TLE1: variants seen among roughly 807,000 people sequenced by gnomAD.
TLE1 encodes transducin-like enhancer protein 1.
In TLE1, 21 loss-of-function variants were observed where a neutral mutation model predicts 89.8. That is an observed-to-expected ratio of 0.23 (90% CI 0.17 to 0.34). The LOEUF (loss-of-function observed/expected upper bound fraction) is 0.34, where lower values mean the gene tolerates loss of function less well. Among genes scored for constraint, TLE1 ranks in the 10% least tolerant of loss-of-function variants. TLE1 has a pLI of 1.00. For synonymous variants in TLE1, 447 were observed against 407.6 expected, an observed-to-expected ratio of 1.10 and a Z score of -1.16; for missense variants, 795 against 1,031.2, an observed-to-expected ratio of 0.77 and a Z score of 3.14.
intron 4 of TLE1, among the ~76,000 whole-genome samples, chr9:81,683,222 A>ATT (rs58069135): frequency 4.2e-4 from 58 of 139,340 alleles, no homozygotes; most frequent in Admixed American, 6.5e-4. Flanking sequence ...CCATCACTGC[A>ATT]TTTTTTTTTT....
In TLE1 at chr9:81,689,249, G is replaced by C. The variant is rs1834736151; in HGVS notation, c.-1009C>G. The C allele has an allele frequency of 6.6e-6, 1 of 152,510 alleles. No individual in the cohort carries two copies. The highest frequency in any genetic ancestry group is 3.3e-3 in the Middle Eastern group (1 of 300). The allele number at this position is 152,510 out of a possible 1,614,324, so 9.4% of individuals were successfully genotyped here. ...CCCGAGGGACGACATCCACGAGATG[G>C]TGGGGAAAACAGCAGGAGTGCGCTC... On this transcript the variant is annotated 5_prime_UTR_variant, in exon 1 of 20. Coordinates refer to ENST00000376499, the MANE Select transcript of TLE1 (RefSeq NM_005077.5).
intron 6 of TLE1, among the ~76,000 whole-genome samples, chr9:81,647,236 CTT>C (rs1465163099): frequency 6.6e-6 from 1 of 152,160 alleles, no homozygotes; most frequent in Non-Finnish European, 1.5e-5. Flanking sequence ...CTAACTCTCT[CTT>C]CCCTCCCAAT....
chr9:81,627,917 A>T (rs968515210), intron 8 of TLE1, among the ~76,000 whole-genome samples: 7 of 152,088 alleles, frequency 4.6e-5, no homozygotes, highest in African/African-American at 1.7e-4. Context: ...TGTGTATTTT[A>T]AAAAGGGAGA....
At position 81,584,471 on chromosome 9, in the gene TLE1, G is replaced by T; in HGVS notation, c.2182C>A (p.Pro728Thr). Residue 728 changes from proline to threonine, a missense_variant, in exon 19 of 20, where the codon CCC becomes ACC. Coordinates refer to ENST00000376499, the MANE Select transcript of TLE1 (RefSeq NM_005077.5). ...KDNLLNAWRT[P>T]YGASIFQSKE... is the part of the protein sequence containing the mutation. ...ACCTGGAATATGCTGGCTCCATAGG[G>T]GGTCCGCCAAGCATTGAGGAGGTTA... The T allele has an allele frequency of 1.2e-6, 2 of 1,614,130 alleles. No homozygotes were observed. Among genetic ancestry groups the T allele is most frequent in the Non-Finnish European group, 1.7e-6 (2 of 1,180,020 alleles).
At chr9:81,590,357 A>AT (rs1829308214) in intron 16 of TLE1, among the ~76,000 whole-genome samples, 1 of 152,200 alleles carries the variant, frequency 6.6e-6, no homozygotes, top group African/African-American at 2.4e-5. Context: ...ATCATTTTGT[A>AT]GGCAAAATTC....
intron 7 of TLE1, chr9:81,633,776 C>T (rs1022464150): frequency 2.1e-6 from 1 of 480,058 alleles, no homozygotes; most frequent in Admixed American, 3.6e-5. Flanking sequence ...CATTTAACAA[C>T]ATTACTTTCT....
chr9:81,632,295 C>CA (rs1215187818), intron 8 of TLE1, among the ~76,000 whole-genome samples: 17 of 152,066 alleles, frequency 1.1e-4, no homozygotes, highest in Non-Finnish European at 1.3e-4. Context: ...CCCTTTCCTT[C>CA]AACCATTCCT....
At chr9:81,657,820 A>G (rs1830319229) in intron 4 of TLE1, among the ~76,000 whole-genome samples, 2 of 151,984 alleles carry the variant, frequency 1.3e-5, no homozygotes, top group Admixed American at 6.6e-5. Flanking sequence ...TACCTAATAC[A>G]ATGTAAATCC....
rs148517087 is a variant in TLE1, at chr9:81,584,611, C to G, written c.2129-87G>C. ...AACTTGGACTTAATCAAACTAAGAA[C>G]ATTTTTAATATATGAACTATCATGC... On this transcript the variant is annotated intron_variant, in intron 18 of 19. Transcript: ENST00000376499. The G allele has an allele frequency of 3.6e-3, 4,496 of 1,237,494 alleles. 22 individuals carry two copies. Among genetic ancestry groups the G allele is most frequent in the Middle Eastern group, 8.6e-3 (34 of 3,974 alleles). The allele number at this position is 1,237,494 out of a possible 1,614,324, so 76.7% of individuals were successfully genotyped here. A position where few individuals can be genotyped will look rare whatever the true frequency, so the allele number is the denominator to read the frequency against.
intron 4 of TLE1, among the ~76,000 whole-genome samples, chr9:81,677,564 C>CAAAAAAA (rs60091510): frequency 1.2e-5 from 1 of 85,598 alleles, no homozygotes; most frequent in Non-Finnish European, 2.2e-5. Flanking sequence ...GACTCCATCT[C>CAAAAAAA]AAAAAAAAAA....
chr9:81,677,783 G>A (rs897399564), intron 4 of TLE1, among the ~76,000 whole-genome samples: 2 of 152,084 alleles, frequency 1.3e-5, no homozygotes, highest in Non-Finnish European at 2.9e-5. Context: ...CATTCTCAAA[G>A]ACTGATTCCA....
Position 81,613,299 on chromosome 9 carries a change from G to A in TLE1, c.1063+78C>T, listed in dbSNP as rs73468084. ...CATTTCATATTTGTAGGGCAATTGC[G>A]TCACAACATTAACAGACAACAAATC... is the stretch of plus-strand genomic sequence containing the variant. On this transcript the variant is annotated intron_variant, in intron 12 of 19. Coordinates refer to ENST00000376499, the MANE Select transcript of TLE1 (RefSeq NM_005077.5). The A allele has an allele frequency of 4.6e-3, 7,142 of 1,555,750 alleles. 268 individuals carry two copies. In the African/African-American group the frequency reaches 0.082, roughly 18 times the overall value.
chr9:81,679,528 T>C (rs1308084385), intron 4 of TLE1, among the ~76,000 whole-genome samples: 1 of 152,076 alleles, frequency 6.6e-6, no homozygotes, highest in African/African-American at 2.4e-5. Flanking sequence ...AAAACCTCTC[T>C]CCTCCTGCCC....
At chr9:81,670,714 G>A (rs1248941586) in intron 4 of TLE1, among the ~76,000 whole-genome samples, 41 of 144,536 alleles carry the variant, frequency 2.8e-4, no homozygotes, top group South Asian at 4.4e-4. Flanking sequence ...AAGCTAATCA[G>A]AAAAAAAAAA....
intron 4 of TLE1, among the ~76,000 whole-genome samples, chr9:81,655,744 G>A (rs773776863): frequency 1.3e-5 from 2 of 151,362 alleles, no homozygotes; most frequent in African/African-American, 2.4e-5. Flanking sequence ...TTGAGAAATA[G>A]AGAATGGAAA....
At chr9:81,686,126 T>G (rs564470892) in intron 2 of TLE1, among the ~76,000 whole-genome samples, 61 of 152,328 alleles carry the variant, frequency 4.0e-4, no homozygotes, top group African/African-American at 1.3e-3. Flanking sequence ...TCTGGTTAGA[T>G]GACAAGAATG....
In TLE1 at chr9:81,685,821, T is replaced by C; in HGVS notation, c.189+12A>G. 1.2e-6 allele frequency: 2 copies of C among 1,614,114 alleles called. No homozygotes were observed. The highest frequency in any genetic ancestry group is 2.2e-5 in the East Asian group (1 of 44,862). On this transcript the variant is annotated intron_variant, in intron 3 of 19. Coordinates refer to ENST00000376499, the MANE Select transcript of TLE1 (RefSeq NM_005077.5). ...ATATGAAAAAGGAAAAAGTCCAATC[T>C]TTGATACCTACCATCACATAGTGCC...
intron 4 of TLE1, among the ~76,000 whole-genome samples, chr9:81,661,415 G>A (rs1238402388): frequency 6.6e-6 from 1 of 151,836 alleles, no homozygotes; most frequent in Non-Finnish European, 1.5e-5. Flanking sequence ...TCAAAACAGG[G>A]TGAGGACTGC....
At position 81,613,412 on chromosome 9, in the gene TLE1, T is replaced by C; in HGVS notation, c.1028A>G (p.Lys343Arg). ...ATPGLRPGLG[K>R]PPAIDPLVNQ... ...AACGAGGGGGTCTATGGCTGGAGGC[T>C]TGCCGAGACCTGGACGGAGGCCTGG... The change falls in exon 12 of 20, where the codon AAG (lysine) becomes AGG (arginine). Residue 343 changes from lysine (K) to arginine (R), a missense_variant. By Grantham distance (26) the Lys-to-Arg change is conservative. Coordinates refer to ENST00000376499, the MANE Select transcript of TLE1 (RefSeq NM_005077.5). 6.2e-7 allele frequency: 1 copy of C among 1,614,102 alleles called. No individual in the cohort carries two copies. Among genetic ancestry groups the C allele is most frequent in the Non-Finnish European group, 8.5e-7 (1 of 1,179,962 alleles).
Sources: gnomAD v4.1 joint callset for allele counts (sites outside exome capture counted in the v4.1 genomes callset) on GRCh38, gnomAD v4.1.1 for gene constraint, MANE v1.5 for transcripts, NCBI Gene and HGNC (gene_info 2026-07-23, HGNC 2026-07-21) for gene names.